ARSB: variants seen among roughly 807,000 people sequenced by gnomAD.
ARSB encodes the protein N-acetylgalactosamine-4-sulfatase.
A neutral mutation model predicts 50.9 loss-of-function variants in ARSB; 41 were observed. That is an observed-to-expected ratio of 0.81 (90% confidence interval 0.63 to 1.04). The LOEUF is 1.04. Ranked by LOEUF, ARSB falls within the 50% of genes least tolerant of loss-of-function variation. The pLI, the probability that ARSB is intolerant of heterozygous loss-of-function variation, is 0.00. For missense variants in ARSB, 672 were observed against 693.3 expected (o/e 0.97, Z 0.35); for synonymous variants, 269 against 284.8 (o/e 0.94, Z 0.56).
intron 4 of ARSB, among the ~76,000 whole-genome samples, chr5:78,899,096 CTTTT>C (rs1461365245): frequency 6.6e-6 from 1 of 152,030 alleles, no homozygotes; most frequent in Non-Finnish European, 1.5e-5. Flanking sequence ...GGATGGCAGG[CTTTT>C]TTTGTCTCTC....
At chr5:78,840,782 G>A (rs1204125716) in intron 5 of ARSB, among the ~76,000 whole-genome samples, 1 of 151,932 alleles carries the variant, frequency 6.6e-6, no homozygotes, top group Non-Finnish European at 1.5e-5. Flanking sequence ...CTGCAGGGGT[G>A]GGGGTGGGGC....
chr5:78,890,896 T>C (rs1435578977), intron 4 of ARSB, among the ~76,000 whole-genome samples: 1 of 152,238 alleles, frequency 6.6e-6, no homozygotes. Context: ...ATATCTTCTG[T>C]GAACCTGCCA....
Position 78,840,230 on chromosome 5 carries a change from C to A in ARSB, c.1143-804G>T, listed in dbSNP as rs80176242. On this transcript the variant is annotated intron_variant, in intron 5 of 7. Coordinates refer to ENST00000264914, the MANE Select transcript of ARSB (RefSeq NM_000046.5). ...AGAAGTAGCTAAAAACAATTTAAATCATTGAGGGTGTACTGAGGACTCCCT... is the reference window on the plus strand; with the variant it reads ...AGAAGTAGCTAAAAACAATTTAAATAATTGAGGGTGTACTGAGGACTCCCT... 3.2e-3 allele frequency among the ~76,000 whole-genome samples: 484 copies of A among 152,296 alleles called. 23 individuals carry two copies. In the East Asian group the frequency reaches 0.083, roughly 26 times the overall value.
rs531156229 is a variant in ARSB, at chr5:78,873,166, A to G, written c.1142+12418T>C. Among the ~76,000 whole-genome samples the G allele has an allele frequency of 3.3e-5, 5 of 152,338 alleles. No homozygotes were observed. The South Asian group carries it at 1.0e-3, about 32-fold the overall frequency. On this transcript the variant is annotated intron_variant, in intron 5 of 7. Coordinates refer to ENST00000264914, the MANE Select transcript of ARSB (RefSeq NM_000046.5). ...TGAATTAAATATAATGAAATCATCA[A>G]CTGCCAATATTAAAGAAACAACAAC...
At chr5:78,851,223 T>C (rs1745759926) in intron 5 of ARSB, among the ~76,000 whole-genome samples, 1 of 152,234 alleles carries the variant, frequency 6.6e-6, no homozygotes, top group Non-Finnish European at 1.5e-5. Flanking sequence ...CACTACACAC[T>C]GCTTTGAATG....
intron 6 of ARSB, among the ~76,000 whole-genome samples, chr5:78,814,764 T>C (rs1743931190): frequency 6.6e-6 from 1 of 150,812 alleles, no homozygotes; most frequent in Non-Finnish European, 1.5e-5. Context: ...TACAGCAAGC[T>C]TCCTCAAAGT....
At chr5:78,819,593 T>C (rs1050800104) in intron 6 of ARSB, among the ~76,000 whole-genome samples, 2 of 152,378 alleles carry the variant, frequency 1.3e-5, no homozygotes, top group Admixed American at 1.3e-4. Context: ...AAATGTGCCC[T>C]GACTAGGTGA....
At chr5:78,958,018 T>C (rs888757863) in intron 3 of ARSB, among the ~76,000 whole-genome samples, 17 of 152,164 alleles carry the variant, frequency 1.1e-4, no homozygotes, top group Middle Eastern at 3.4e-3. Context: ...AAAAACTTTT[T>C]TGGAAAAATC....
At chr5:78,975,650 A>C (rs1187143417) in intron 1 of ARSB, among the ~76,000 whole-genome samples, 2 of 152,200 alleles carry the variant, frequency 1.3e-5, no homozygotes, top group Non-Finnish European at 2.9e-5. Flanking sequence ...TTTTCCTTTA[A>C]GGCCTATCAC....
chr5:78,932,542 A>G (rs1273100889), intron 4 of ARSB, among the ~76,000 whole-genome samples: 1 of 152,192 alleles, frequency 6.6e-6, no homozygotes, highest in Non-Finnish European at 1.5e-5. Context: ...CCATACTCTA[A>G]GCTGACCTGG....
intron 1 of ARSB, among the ~76,000 whole-genome samples, chr5:78,976,830 G>A (rs984761002): frequency 8.5e-5 from 13 of 152,094 alleles, no homozygotes; most frequent in African/African-American, 2.9e-4. Flanking sequence ...ACTTTTTAAT[G>A]GGTGGGCAGC....
chr5:78,808,373 A>G (rs1339741568), intron 6 of ARSB, among the ~76,000 whole-genome samples: 3 of 152,174 alleles, frequency 2.0e-5, no homozygotes, highest in African/African-American at 7.2e-5. Flanking sequence ...ATTAGTAGGA[A>G]TTTAATGTGC....
At chr5:78,852,702 C>G (rs866994693) in intron 5 of ARSB, among the ~76,000 whole-genome samples, 5 of 152,232 alleles carry the variant, frequency 3.3e-5, no homozygotes, top group African/African-American at 1.2e-4. Context: ...ACCAATCAGA[C>G]GTAGATTTGG....
chr5:78,874,748 C>T (rs986172923), intron 5 of ARSB, among the ~76,000 whole-genome samples: 4 of 152,072 alleles, frequency 2.6e-5, no homozygotes, highest in East Asian at 1.9e-4. Flanking sequence ...CTACAGAATA[C>T]GCATTCTTTT....
intron 4 of ARSB, among the ~76,000 whole-genome samples, chr5:78,905,685 A>G (rs527767811): frequency 5.9e-5 from 9 of 152,156 alleles, no homozygotes; most frequent in African/African-American, 1.9e-4. Context: ...TGTGGCATAT[A>G]TGCACTTGGA....
intron 6 of ARSB, among the ~76,000 whole-genome samples, chr5:78,828,104 A>G (rs1306350075): frequency 1.3e-5 from 2 of 152,182 alleles, no homozygotes; most frequent in South Asian, 2.1e-4. Flanking sequence ...TGCAATCGAT[A>G]TCATACTGAA....
intron 4 of ARSB, among the ~76,000 whole-genome samples, chr5:78,908,265 C>T (rs1336932378): frequency 6.6e-6 from 1 of 152,108 alleles, no homozygotes; most frequent in Non-Finnish European, 1.5e-5. Context: ...ACCTTGTGTC[C>T]TCTGACCCCC....
chr5:78,867,578 G>T (rs2112131205), intron 5 of ARSB, among the ~76,000 whole-genome samples: 1 of 151,860 alleles, frequency 6.6e-6, no homozygotes, highest in East Asian at 1.9e-4. Flanking sequence ...CACACGGCAG[G>T]GTATTCCAAC....
intron 4 of ARSB, among the ~76,000 whole-genome samples, chr5:78,928,644 T>C (rs1202578993): frequency 3.3e-5 from 5 of 152,114 alleles, no homozygotes; most frequent in Non-Finnish European, 7.4e-5. Flanking sequence ...AATGAAGGAA[T>C]AAAGTTGATC....
Sources: gnomAD v4.1 joint callset for allele counts (sites outside exome capture counted in the v4.1 genomes callset) on GRCh38, gnomAD v4.1.1 for gene constraint, MANE v1.5 for transcripts, NCBI Gene and HGNC (gene_info 2026-07-23, HGNC 2026-07-21) for gene names.